The following SGIP1 variants were observed in gnomAD, a reference collection of about 807,000 sequenced individuals.
SGIP1 encodes the protein SH3-containing GRB2-like protein 3-interacting protein 1.
In SGIP1, 38 loss-of-function variants were observed where a neutral mutation model predicts 107.5. The observed-to-expected ratio is 0.35, with a 90% confidence interval of 0.27 to 0.46. The LOEUF (loss-of-function observed/expected upper bound fraction) is 0.46, where lower values mean the gene tolerates loss of function less well. Among genes scored for constraint, SGIP1 ranks in the 20% least tolerant of loss-of-function variants. The pLI is 1.00. For synonymous variants in SGIP1, 365 were observed against 366.1 expected (o/e 1.00, Z 0.03); for missense variants, 929 against 1,019.5 (o/e 0.91, Z 1.21).
chr1:66,725,884 G>T (rs1436250586), intron 19 of SGIP1, among the ~76,000 whole-genome samples: 3 of 152,196 alleles, frequency 2.0e-5, no homozygotes, highest in Non-Finnish European at 4.4e-5. Flanking sequence ...GTTGATGGGT[G>T]CTGCCGCCAC....
In SGIP1 at chr1:66,680,259, T is replaced by C. The variant is rs187335525; in HGVS notation, c.814+507T>C. The stretch of plus-strand genomic sequence containing the variant: ...TTTATTATCTCATGGCAAGGAGATA[T>C]GTAAAGATTATGAAATATGGCAAGG... On this transcript the variant is annotated intron_variant, in intron 14 of 24. Transcript: ENST00000371037. Among the ~76,000 whole-genome samples, 4 of 152,336 alleles carry C rather than the reference T, an allele frequency of 2.6e-5. No homozygotes were observed. In the East Asian group the frequency reaches 7.7e-4, roughly 29 times the overall value.
chr1:66,695,322 C>T, intron 17 of SGIP1, 112 bp from the exon 18 acceptor site: 10 of 1,583,580 alleles, frequency 6.3e-6, no homozygotes, highest in Non-Finnish European at 7.7e-6. Flanking sequence ...GCATGTAGTG[C>T]CTCCACCCTT....
intron 21 of SGIP1, among the ~76,000 whole-genome samples, chr1:66,737,708 C>G: frequency 6.6e-6 from 1 of 152,058 alleles, no homozygotes; most frequent in East Asian, 1.9e-4. Flanking sequence ...CTAATAATAG[C>G]CTAATATATT....
chr1:66,649,736 A>C (rs1313946039), intron 7 of SGIP1, among the ~76,000 whole-genome samples: 1 of 107,424 alleles, frequency 9.3e-6, no homozygotes, highest in Non-Finnish European at 1.8e-5. Context: ...ACACACACAC[A>C]TGCACACACA....
chr1:66,715,037 T>C (rs1437837270), intron 18 of SGIP1, among the ~76,000 whole-genome samples: 1 of 152,184 alleles, frequency 6.6e-6, no homozygotes, highest in Non-Finnish European at 1.5e-5. Flanking sequence ...ATACCTGGTA[T>C]TCTTGTCAAT....
chr1:66,560,669 T>C (rs956941640), intron 1 of SGIP1, among the ~76,000 whole-genome samples: 6 of 152,100 alleles, frequency 3.9e-5, no homozygotes, highest in African/African-American at 1.4e-4. Context: ...AGTGTAACTT[T>C]TTCCTCATTT....
intron 9 of SGIP1, 152 bp downstream of exon 9, chr1:66,667,693 T>A: frequency 1.4e-6 from 1 of 704,614 alleles, no homozygotes. Flanking sequence ...TCTGACCCTC[T>A]TAAGTATCAA....
intron 15 of SGIP1, among the ~76,000 whole-genome samples, chr1:66,683,075 A>G (rs1264541150): frequency 6.6e-6 from 1 of 152,182 alleles, no homozygotes; most frequent in Non-Finnish European, 1.5e-5. Context: ...GATGGACTCT[A>G]TGCCAATTCT....
chr1:66,660,211 GAAAGA>G, intron 7 of SGIP1: 1 of 211,354 alleles, frequency 4.7e-6, no homozygotes, highest in Non-Finnish European at 7.7e-6. Context: ...AAGAAAGAAA[GAAAGA>G]GAAAGAAAGA....
intron 1 of SGIP1, among the ~76,000 whole-genome samples, chr1:66,623,669 C>CTGGACACTGGAA (rs2071807338): frequency 6.6e-6 from 1 of 152,184 alleles, no homozygotes; most frequent in African/African-American, 2.4e-5. Context: ...TTAAAAACAT[C>CTGGACACTGGAA]ATTTCCAGTG....
intron 1 of SGIP1, among the ~76,000 whole-genome samples, chr1:66,610,876 C>T (rs995084545): frequency 2.0e-5 from 3 of 151,854 alleles, no homozygotes; most frequent in African/African-American, 7.3e-5. Flanking sequence ...AGTAAAGTAA[C>T]TCAGGAATGG....
intron 11 of SGIP1, 72 bp from the exon 12 acceptor site, chr1:66,673,209 A>C (rs1397173412): frequency 6.8e-7 from 1 of 1,465,206 alleles, no homozygotes; most frequent in East Asian, 2.3e-5. Context: ...AATATGTGAA[A>C]GCTTGTATAT....
At chr1:66,734,815 A>T (rs375692412) in intron 21 of SGIP1, among the ~76,000 whole-genome samples, 2 of 146,912 alleles carry the variant, frequency 1.4e-5, no homozygotes, top group East Asian at 3.9e-4. Context: ...GACTCCCTAG[A>T]TTTTTTTAAA....
intron 1 of SGIP1, among the ~76,000 whole-genome samples, chr1:66,599,426 G>C (rs1320025475): frequency 2.6e-5 from 4 of 152,126 alleles, no homozygotes; most frequent in African/African-American, 9.7e-5. Flanking sequence ...GGCTACAGGG[G>C]CTAAGTGACA....
At chr1:66,541,452 T>C (rs905405536) in intron 1 of SGIP1, among the ~76,000 whole-genome samples, 7 of 152,246 alleles carry the variant, frequency 4.6e-5, no homozygotes, top group Non-Finnish European at 8.8e-5. Context: ...ATGAGTGTCA[T>C]GTCCTTGTCT....
intron 18 of SGIP1, among the ~76,000 whole-genome samples, chr1:66,702,341 C>T (rs10493415): frequency 0.011 from 1,656 of 152,292 alleles, 39 homozygotes; most frequent in Admixed American, 0.055. Flanking sequence ...TTCCTAACCA[C>T]TATGCTACTC....
chr1:66,551,427 A>G (rs1419558048), intron 1 of SGIP1, among the ~76,000 whole-genome samples: 1 of 152,144 alleles, frequency 6.6e-6, no homozygotes, highest in Admixed American at 6.5e-5. Flanking sequence ...AGGCAATTCA[A>G]TCATCAGTTG....
intron 2 of SGIP1, among the ~76,000 whole-genome samples, chr1:66,630,861 A>AAGAAAGAAAGAAAGAAAG (rs2074239133): frequency 2.6e-5 from 1 of 37,840 alleles, no homozygotes; most frequent in African/African-American, 1.4e-4. Context: ...GAAAGAAAGA[A>AAGAAAGAAAGAAAGAAAG]AGAAAGAAAG....
At chr1:66,581,513 A>C (rs939656258) in intron 1 of SGIP1, among the ~76,000 whole-genome samples, 2 of 152,178 alleles carry the variant, frequency 1.3e-5, no homozygotes, top group East Asian at 3.9e-4. Context: ...ACTCTTAACA[A>C]GGTTATTTCC....
Sources: gnomAD v4.1 joint callset for allele counts (sites outside exome capture counted in the v4.1 genomes callset) on GRCh38, gnomAD v4.1.1 for gene constraint, MANE v1.5 for transcripts, NCBI Gene and HGNC (gene_info 2026-07-23, HGNC 2026-07-21) for gene names.